LRRC37A3: variants seen among roughly 807,000 people sequenced by gnomAD.
The protein encoded by LRRC37A3 is leucine-rich repeat-containing protein 37A3.
A neutral mutation model predicts 106.2 loss-of-function variants in LRRC37A3; 25 were observed. The ratio of observed to expected loss-of-function variants is 0.24; its 90% CI spans 0.17 to 0.33. LRRC37A3 has a LOEUF of 0.33. Ranked by LOEUF, LRRC37A3 falls within the 10% of genes least tolerant of loss-of-function variation. LRRC37A3 has a pLI of 1.00. For synonymous variants in LRRC37A3, 305 were observed against 635.8 expected (o/e 0.48, Z 7.83); for missense variants, 712 against 1,644.9 (o/e 0.43, Z 9.81).
At chr17:64,916,905 C>G (rs1285022620) in intron 2 of LRRC37A3, among the ~76,000 whole-genome samples, 2 of 150,146 alleles carry the variant, frequency 1.3e-5, no homozygotes, top group Non-Finnish European at 3.0e-5. Flanking sequence ...GAAATTAAAA[C>G]CAGAAGAAGC....
At chr17:64,870,148 T>C (rs1567768648) in intron 8 of LRRC37A3, among the ~76,000 whole-genome samples, 1 of 148,918 alleles carries the variant, frequency 6.7e-6, no homozygotes. Flanking sequence ...TGGAGTGCAG[T>C]GGCGCAATCT....
chr17:64,917,403 A>T (rs1181947743), intron 2 of LRRC37A3, among the ~76,000 whole-genome samples: 2 of 151,876 alleles, frequency 1.3e-5, no homozygotes, highest in Admixed American at 6.6e-5. Context: ...ACAACCCAGA[A>T]ATCATACTCC....
intron 10 of LRRC37A3, among the ~76,000 whole-genome samples, chr17:64,865,982 A>G (rs967224389): frequency 2.0e-5 from 3 of 152,072 alleles, no homozygotes; most frequent in African/African-American, 7.2e-5. Flanking sequence ...ATTTTTCAAT[A>G]CACATGAAAG....
intron 2 of LRRC37A3, among the ~76,000 whole-genome samples, chr17:64,917,477 G>C (rs368478932): frequency 0.012 from 1,887 of 151,976 alleles, 20 homozygotes; most frequent in Non-Finnish European, 0.02. Context: ...AAATGTTTAC[G>C]GCAGCTTTAT....
At chr17:64,914,971 G>A (rs1021268703) in intron 2 of LRRC37A3, among the ~76,000 whole-genome samples, 12 of 151,850 alleles carry the variant, frequency 7.9e-5, no homozygotes, top group African/African-American at 2.4e-4. Context: ...GATGGTTACC[G>A]GGGGCTGGGA....
intron 2 of LRRC37A3, among the ~76,000 whole-genome samples, chr17:64,916,954 A>C (rs1031657623): frequency 1.3e-5 from 2 of 151,066 alleles, no homozygotes; most frequent in African/African-American, 4.9e-5. Flanking sequence ...AAAAAAAAAA[A>C]AAAACTTGAG....
At chr17:64,916,053 G>A (rs1267831000) in intron 2 of LRRC37A3, among the ~76,000 whole-genome samples, 2 of 152,104 alleles carry the variant, frequency 1.3e-5, no homozygotes, top group Non-Finnish European at 2.9e-5. Flanking sequence ...ACAGGCTGCA[G>A]TGAGCCAAGA....
intron 2 of LRRC37A3, among the ~76,000 whole-genome samples, chr17:64,911,285 A>C (rs1974584447): frequency 7.0e-6 from 1 of 143,092 alleles, no homozygotes. Flanking sequence ...TTTTACTTTT[A>C]TTTTAGAGCA....
At chr17:64,919,332 CG>C in intron 1 of LRRC37A3, 98 bp downstream of exon 1, 4 of 300,490 alleles carry the variant, frequency 1.3e-5, no homozygotes, top group Non-Finnish European at 2.1e-5. Flanking sequence ...TGGGGGCGGC[CG>C]GGGCCGGGTG....
intron 13 of LRRC37A3, among the ~76,000 whole-genome samples, chr17:64,856,375 C>T (rs974535869): frequency 6.0e-5 from 9 of 149,982 alleles, no homozygotes; most frequent in Admixed American, 5.3e-4. Flanking sequence ...TACTACCACA[C>T]CTGGCTATTT....
intron 10 of LRRC37A3, among the ~76,000 whole-genome samples, chr17:64,866,869 G>A (rs950210084): frequency 6.8e-6 from 1 of 148,028 alleles, no homozygotes; most frequent in African/African-American, 2.5e-5. Context: ...TGTAATCTCA[G>A]CACTCTGGGA....
At chr17:64,883,581 T>A (rs1156907372) in intron 8 of LRRC37A3, among the ~76,000 whole-genome samples, 1 of 151,112 alleles carries the variant, frequency 6.6e-6, no homozygotes, top group Non-Finnish European at 1.5e-5. Context: ...CTGGGGCCTC[T>A]TTTTTTGTTT....
At chr17:64,880,596 GC>G (rs1973666930) in intron 8 of LRRC37A3, among the ~76,000 whole-genome samples, 1 of 152,056 alleles carries the variant, frequency 6.6e-6, no homozygotes, top group Non-Finnish European at 1.5e-5. Flanking sequence ...CTTTTTTTCA[GC>G]CTCAAAGACT....
Position 64,859,625 on chromosome 17 carries a change from C to T in LRRC37A3, c.4521G>A (p.Gly1507=), listed in dbSNP as rs747264818. Residue 1507 remains glycine, a synonymous_variant, in exon 12 of 15, where the codon GGG becomes GGA. Transcript: ENST00000584306. ...VIRTLKMDCS[G]AHVQVTCAKL... ...TGGCACAGGTCACTTGCACATGGGC[C>T]CCAGAGCAGTCCATCTTCAAGGTCC... is the stretch of plus-strand genomic sequence containing the variant. 2.5e-6 allele frequency: 4 copies of T among 1,612,980 alleles called. No individual in the cohort carries two copies. Among genetic ancestry groups the T allele is most frequent in the East Asian group, 4.5e-5 (2 of 44,842 alleles).
chr17:64,875,102 TA>T (rs1413567516), intron 8 of LRRC37A3, among the ~76,000 whole-genome samples: 1 of 151,270 alleles, frequency 6.6e-6, no homozygotes, highest in African/African-American at 2.4e-5. Context: ...TAAAAAAAAT[TA>T]AAAAAAACAA....
intron 8 of LRRC37A3, chr17:64,871,517 C>T (rs1001293804): frequency 6.6e-6 from 1 of 151,892 alleles, no homozygotes; most frequent in African/African-American, 2.4e-5. Context: ...CACTGTGTTG[C>T]CCAGGCTGGA....
chr17:64,880,741 C>G (rs1291149249), intron 8 of LRRC37A3, among the ~76,000 whole-genome samples: 7 of 150,626 alleles, frequency 4.6e-5, no homozygotes, highest in African/African-American at 1.7e-4. Context: ...AGGTAGCTCA[C>G]AAAATAAGGG....
intron 8 of LRRC37A3, among the ~76,000 whole-genome samples, chr17:64,875,370 T>C (rs1281556648): frequency 6.6e-6 from 1 of 152,212 alleles, no homozygotes; most frequent in Admixed American, 6.5e-5. Flanking sequence ...AATAATTCTA[T>C]ACCTGGCAAA....
intron 8 of LRRC37A3, among the ~76,000 whole-genome samples, chr17:64,874,234 C>CA (rs760085957): frequency 5.3e-5 from 8 of 152,242 alleles, no homozygotes; most frequent in African/African-American, 9.6e-5. Flanking sequence ...CCTGTCTCTA[C>CA]AAAAAATTTA....
Sources: allele counts gnomAD v4.1 joint callset (sites outside exome capture counted in the v4.1 genomes callset), GRCh38; gene constraint gnomAD v4.1.1; transcripts MANE v1.5; gene names NCBI Gene and HGNC (gene_info 2026-07-23, HGNC 2026-07-21).